Variants in OSER1 observed in about 807,000 individuals in gnomAD.
The protein encoded by OSER1 is oxidative stress-responsive serine-rich protein 1.
In OSER1, 15 loss-of-function variants were observed where a neutral mutation model predicts 26.3. That is an observed-to-expected ratio of 0.57 (90% CI 0.38 to 0.88). OSER1 has a LOEUF of 0.88. OSER1 is among the 40% of genes least tolerant of loss of function. OSER1 has a pLI of 0.00. For synonymous variants in OSER1, 127 were observed against 128.2 expected, an observed-to-expected ratio of 0.99 and a Z score of 0.07; for missense variants, 313 against 353.9, an observed-to-expected ratio of 0.88 and a Z score of 0.93.
In OSER1 at chr20:44,197,179, C is replaced by T. The variant is rs1274714287; in HGVS notation, c.752G>A (p.Arg251Gln). Reference sequence around the variant, plus strand: ...GACTCGAGCTTGCTCAGAACAGGATCGGGGAGAGCCAGACAGAGTTCTGGC... The same window carrying T: ...GACTCGAGCTTGCTCAGAACAGGATTGGGGAGAGCCAGACAGAGTTCTGGC... ...LHARTLSGSP[R>Q]SCSEQARVFV... The change falls in exon 4 of 4, where the codon CGA becomes CAA. Residue 251 changes from arginine (R) to glutamine (Q), a missense_variant. Arg to Gln is a conservative substitution (Grantham distance 43). This residue lies in a region of OSER1 where 300 missense variants were observed against 318.3 expected (regional missense o/e 0.94). Transcript: ENST00000255174. 5.0e-6 allele frequency: 8 copies of T among 1,613,998 alleles called. No individual in the cohort carries two copies. The highest frequency in any genetic ancestry group is 2.2e-5 in the South Asian group (2 of 91,084).
Position 44,202,988 on chromosome 20 carries a change from G to A in OSER1, c.164C>T (p.Thr55Ile), listed in dbSNP as rs549045334. The A allele has an allele frequency of 1.6e-4, 257 of 1,609,950 alleles. 3 individuals are homozygous for A. In the South Asian group the frequency reaches 2.7e-3, roughly 17 times the overall value. Residue 55 changes from threonine to isoleucine, a missense_variant, in exon 3 of 4, where the codon ACA (threonine) becomes ATA (isoleucine). Thr to Ile is a moderately conservative substitution (Grantham distance 89). This residue lies in a region of OSER1 where 300 missense variants were observed against 318.3 expected (regional missense o/e 0.94). Transcript: ENST00000255174. Reference protein sequence around the residue: ...TATDDTKPKTTCASKDSWHGS... With the variant: ...TATDDTKPKTICASKDSWHGS... ...GTGCCAACTGTCTTTAGATGCACAT[G>A]TGGTTTTAGGTTTGGTATCATCTGT... is the stretch of plus-strand genomic sequence containing the variant.
At chr20:44,198,608 G>C (rs988346453) in intron 3 of OSER1, among the ~76,000 whole-genome samples, 1 of 150,982 alleles carries the variant, frequency 6.6e-6, no homozygotes, top group South Asian at 2.1e-4. Flanking sequence ...AACAGAGCGA[G>C]ACTCCGTCTC....
At chr20:44,197,801 T>C in intron 3 of OSER1, 62 bp from the exon 4 acceptor site, 4 of 1,105,152 alleles carry the variant, frequency 3.6e-6, no homozygotes, top group Non-Finnish European at 5.2e-6. Context: ...AAACAGATTC[T>C]TTATGACAGT....
chr20:44,196,839 C>T lies in OSER1; in HGVS notation c.*213G>A. 2.0e-6 allele frequency: 1 copy of T among 497,960 alleles called. No individual in the cohort carries two copies. The allele number at this position is 497,960 out of a possible 1,614,324, so 30.8% of individuals were successfully genotyped here. A position where few individuals can be genotyped will look rare whatever the true frequency, so the allele number is the denominator to read the frequency against. The stretch of plus-strand genomic sequence containing the variant: ...ACATTTCTAAATAAGGGGGATTTTT[C>T]TTTGATCTGCTCGCCTTGAAGTGTA... On this transcript the variant is annotated 3_prime_UTR_variant, in exon 4 of 4. Transcript: ENST00000255174.
intron 1 of OSER1, among the ~76,000 whole-genome samples, chr20:44,209,305 A>AT (rs1188767544): frequency 6.6e-6 from 1 of 152,198 alleles, no homozygotes; most frequent in African/African-American, 2.4e-5. Context: ...GACTTCCAGC[A>AT]TTTTTTTACT....
chr20:44,209,778 A>G (rs1398723374), intron 1 of OSER1, among the ~76,000 whole-genome samples: 1 of 152,146 alleles, frequency 6.6e-6, no homozygotes, highest in Non-Finnish European at 1.5e-5. Context: ...GTTTTAACCA[A>G]GACCTCCTTG....
intron 3 of OSER1, among the ~76,000 whole-genome samples, chr20:44,199,890 A>G (rs554709655): frequency 1.8e-4 from 28 of 152,362 alleles, no homozygotes; most frequent in African/African-American, 6.7e-4. Flanking sequence ...GGACTTGTAC[A>G]CACAGCTAAA....
In OSER1 at chr20:44,197,048, G is replaced by A. The variant is rs1469221221; in HGVS notation, c.*4C>T. On this transcript the variant is annotated 3_prime_UTR_variant, in exon 4 of 4. Coordinates refer to ENST00000255174, the MANE Select transcript of OSER1 (RefSeq NM_016470.8). ...TTTAAAGCATATGAATTAGCTTCTT[G>A]CTATCAGGTGTACATCATTTCTGCC... 2.5e-6 allele frequency: 4 copies of A among 1,589,308 alleles called. No homozygotes were observed. Among genetic ancestry groups the A allele is most frequent in the Non-Finnish European group, 3.5e-6 (4 of 1,158,150 alleles).
rs57688682 is a variant in OSER1, at chr20:44,196,308, AAAAAC to A, written c.*739_*743del. Among the ~76,000 whole-genome samples the A allele has an allele frequency of 0.22, 30,897 of 141,288 alleles. 3,954 individuals are homozygous for A. Among genetic ancestry groups the A allele is most frequent in the African/African-American group, 0.42 (14,152 of 33,688 alleles). 92.7% of individuals were successfully genotyped at this position (141,288 alleles called of 152,430 possible). A position where few individuals can be genotyped will look rare whatever the true frequency, so the allele number is the denominator to read the frequency against. ...ACAACTGATAACAAAAAAAAAAAAA[AAAAAC>A]CGCCATATATTTAAAATGCTGGAGA... is the stretch of plus-strand genomic sequence containing the variant. On this transcript the variant is annotated 3_prime_UTR_variant, in exon 4 of 4. Transcript: ENST00000255174.
At chr20:44,204,403 C>T (rs2073018577) in intron 2 of OSER1, among the ~76,000 whole-genome samples, 1 of 152,186 alleles carries the variant, frequency 6.6e-6, no homozygotes, top group African/African-American at 2.4e-5. Flanking sequence ...ATGACTCACC[C>T]CTTCTCTTAT....
Position 44,198,567 on chromosome 20 carries a change from T to C in OSER1, c.192-828A>G, listed in dbSNP as rs549321635. On this transcript the variant is annotated intron_variant, in intron 3 of 3. Transcript: ENST00000255174. ...CTGGGAGGCAGAGCTTGCAGTGAGC[T>C]GAGATCACGCCACTGTACTCCAGCC... 7.1e-3 allele frequency among the ~76,000 whole-genome samples: 1,078 copies of C among 151,900 alleles called. 7 individuals carry two copies. Among genetic ancestry groups the C allele is most frequent in the Non-Finnish European group, 0.012 (807 of 67,944 alleles).
rs2072922356 is a variant in OSER1 at position 44,196,690 on chromosome 20, C to T, written c.*362G>A. 1.0e-5 allele frequency: 2 copies of T among 191,704 alleles called. No individual in the cohort carries two copies. Among genetic ancestry groups the T allele is most frequent in the African/African-American group, 4.7e-5 (2 of 42,560 alleles). 11.9% of individuals were successfully genotyped at this position (191,704 alleles called of 1,614,324 possible). A position where few individuals can be genotyped will look rare whatever the true frequency, so the allele number is the denominator to read the frequency against. On this transcript the variant is annotated 3_prime_UTR_variant, in exon 4 of 4. Transcript: ENST00000255174. ...AATGTTTAGTGCAGTTACAAAATCA[C>T]ATTTTACTTTCCTTGGCTAGCAAAC...
chr20:44,205,028 T>A (rs1211490579), intron 2 of OSER1, among the ~76,000 whole-genome samples: 1 of 151,916 alleles, frequency 6.6e-6, no homozygotes, highest in Admixed American at 6.6e-5. Flanking sequence ...TGCAGACGGG[T>A]TTCACCATGT....
intron 1 of OSER1, chr20:44,207,440 C>T (rs2073049080): frequency 6.4e-6 from 1 of 155,772 alleles, no homozygotes; most frequent in Non-Finnish European, 1.4e-5. Flanking sequence ...TTTCATGACA[C>T]ATGATAGCAT....
In OSER1 at chr20:44,196,315, G is replaced by A. The variant is rs988644740; in HGVS notation, c.*737C>T. On this transcript the variant is annotated 3_prime_UTR_variant, in exon 4 of 4. Coordinates refer to ENST00000255174, the MANE Select transcript of OSER1 (RefSeq NM_016470.8). ...ATAACAAAAAAAAAAAAAAAAAACC[G>A]CCATATATTTAAAATGCTGGAGATG... is the stretch of plus-strand genomic sequence containing the variant. Among the ~76,000 whole-genome samples, 7 of 134,742 alleles carry A rather than the reference G, an allele frequency of 5.2e-5. No individual in the cohort carries two copies. The highest frequency in any genetic ancestry group is 2.4e-4 in the South Asian group (1 of 4,200). The allele number at this position is 134,742 out of a possible 152,430, so 88.4% of individuals were successfully genotyped here.
rs1243401095 is a variant in OSER1 at position 44,206,974 on chromosome 20, C to CAATGTGCAAGTTTT, written c.-18_-17insAAAACTTGCACATT. On this transcript the variant is annotated 5_prime_UTR_variant, in exon 2 of 4. Coordinates refer to ENST00000255174, the MANE Select transcript of OSER1 (RefSeq NM_016470.8). Reference sequence around the variant, plus strand: ...GGATTTCATTGTGCAAGTTTTTACACTACTTATCGATGTTCCTGTTTACAC... The same window carrying CAATGTGCAAGTTTT: ...GGATTTCATTGTGCAAGTTTTTACACAATGTGCAAGTTTTTACTTATCGATGTTCCTGTTTACAC... The CAATGTGCAAGTTTT allele has an allele frequency of 6.3e-7, 1 of 1,589,406 alleles. No homozygotes were observed.
intron 3 of OSER1, 23 bp from the exon 4 acceptor site, chr20:44,197,762 A>C (rs770195370): frequency 1.3e-6 from 2 of 1,519,734 alleles, no homozygotes; most frequent in South Asian, 2.3e-5. Flanking sequence ...AAAAATATAC[A>C]AGAAGATGTT....
Position 44,197,584 on chromosome 20 carries a change from T to A in OSER1, c.347A>T (p.Asp116Val). ...LKHKSQTDSP[D>V]GSSGLGISSP... ...TGAAATTCCCAGCCCACTGCTGCCA[T>A]CAGGTGAGTCAGTCTGGCTTTTGTG... is the stretch of plus-strand genomic sequence containing the variant. The change falls in exon 4 of 4, where the codon GAT becomes GTT. Residue 116 changes from aspartate to valine, a missense_variant. Physicochemically the swap from Asp to Val is radical, Grantham distance 152 (BLOSUM62 -3). Transcript: ENST00000255174. 6.2e-7 allele frequency: 1 copy of A among 1,614,192 alleles called. No individual in the cohort carries two copies. Among genetic ancestry groups the A allele is most frequent in the Non-Finnish European group, 8.5e-7 (1 of 1,180,028 alleles).
At chr20:44,206,026 T>C (rs900332528) in intron 2 of OSER1, among the ~76,000 whole-genome samples, 2 of 151,642 alleles carry the variant, frequency 1.3e-5, no homozygotes, top group Non-Finnish European at 2.9e-5. Context: ...GTCCTACCAA[T>C]GTGACTTTTA....
Sources: gnomAD v4.1 joint callset for allele counts (sites outside exome capture counted in the v4.1 genomes callset) on GRCh38, gnomAD v4.1.1 for gene constraint, gnomAD v4.1.1 regional missense constraint, MANE v1.5 for transcripts, NCBI Gene and HGNC (gene_info 2026-07-23, HGNC 2026-07-21) for gene names.